Variants in KLHL32 observed in about 807,000 individuals in gnomAD.
The protein encoded by KLHL32 is kelch like family member 32.
A neutral mutation model predicts 64.8 loss-of-function variants in KLHL32; 35 were observed. The observed-to-expected ratio is 0.54, with a 90% confidence interval of 0.41 to 0.72. The LOEUF is 0.72. Ranked by LOEUF, KLHL32 falls within the 30% of genes least tolerant of loss-of-function variation. KLHL32 has a pLI of 0.00. For synonymous variants in KLHL32, 259 were observed against 281.0 expected, an observed-to-expected ratio of 0.92 and a Z score of 0.78; for missense variants, 589 against 768.5, an observed-to-expected ratio of 0.77 and a Z score of 2.76.
chr6:96,936,434 A>C (rs924272630), intron 1 of KLHL32, among the ~76,000 whole-genome samples: 3 of 152,110 alleles, frequency 2.0e-5, no homozygotes, highest in African/African-American at 7.2e-5. Flanking sequence ...AGCCTACCTC[A>C]TCCAGAGCCT....
At chr6:97,014,980 T>C (rs773780256) in intron 3 of KLHL32, among the ~76,000 whole-genome samples, 4 of 152,138 alleles carry the variant, frequency 2.6e-5, no homozygotes, top group Non-Finnish European at 5.9e-5. Flanking sequence ...GTTTCCCCCA[T>C]GGTGTTCTCA....
At chr6:96,906,399 A>G in the KLHL32 span, among the ~76,000 whole-genome samples, 13 of 152,220 alleles carry the variant, frequency 8.5e-5, no homozygotes, top group Non-Finnish European at 1.5e-5. Flanking sequence ...TAGCTATTAT[A>G]GAAGTCATTG....
intron 7 of KLHL32, among the ~76,000 whole-genome samples, chr6:97,121,491 A>G (rs1316400026): frequency 6.6e-6 from 1 of 152,164 alleles, no homozygotes; most frequent in Non-Finnish European, 1.5e-5. Context: ...TTTACGGTTC[A>G]GTTTCTAAAA....
At chr6:97,134,824 C>A (rs750277275) in intron 10 of KLHL32, among the ~76,000 whole-genome samples, 1 of 151,988 alleles carries the variant, frequency 6.6e-6, no homozygotes, top group Admixed American at 6.6e-5. Context: ...TGTTAACAGT[C>A]GTGAATGTTA....
At chr6:97,068,635 G>A (rs1275068984) in intron 5 of KLHL32, among the ~76,000 whole-genome samples, 1 of 152,200 alleles carries the variant, frequency 6.6e-6, no homozygotes, top group Non-Finnish European at 1.5e-5. Context: ...TTGGGCTGCT[G>A]TGGTCATTTA....
At chr6:96,990,418 G>C (rs1360871382) in intron 3 of KLHL32, among the ~76,000 whole-genome samples, 1 of 152,120 alleles carries the variant, frequency 6.6e-6, no homozygotes, top group Non-Finnish European at 1.5e-5. Context: ...TAAGTATAAT[G>C]GTAAGTTCTT....
chr6:96,949,304 A>G (rs919999159), intron 1 of KLHL32, among the ~76,000 whole-genome samples: 23 of 150,458 alleles, frequency 1.5e-4, no homozygotes, highest in East Asian at 2.0e-4. Flanking sequence ...TTGAGTCTCC[A>G]TAGCTCCAGC....
At chr6:96,987,974 A>G (rs1404342956) in intron 3 of KLHL32, among the ~76,000 whole-genome samples, 1 of 152,230 alleles carries the variant, frequency 6.6e-6, no homozygotes, top group African/African-American at 2.4e-5. Flanking sequence ...AAAGACTTAC[A>G]TGTTAGACCT....
intron 3 of KLHL32, among the ~76,000 whole-genome samples, chr6:96,998,413 A>T: frequency 6.6e-6 from 1 of 152,106 alleles, no homozygotes; most frequent in Non-Finnish European, 1.5e-5. Context: ...CATACACTAA[A>T]TCTCTTTTTC....
intron 4 of KLHL32, among the ~76,000 whole-genome samples, chr6:97,055,796 T>TGAAAAAAAAAAAAAAAAAAAAA (rs1787717117): frequency 1.2e-5 from 1 of 81,032 alleles, no homozygotes; most frequent in African/African-American, 3.9e-5. Context: ...AGAACCTGTC[T>TGAAAAAAAAAAAAAAAAAAAAA]AAAAAAAAAA....
chr6:97,051,882 C>G (rs1052421576), intron 4 of KLHL32, among the ~76,000 whole-genome samples: 1 of 152,110 alleles, frequency 6.6e-6, no homozygotes, highest in African/African-American at 2.4e-5. Flanking sequence ...CCAGCCTTAT[C>G]CTGTTTTCTG....
At chr6:96,991,071 A>C (rs1037539817) in intron 3 of KLHL32, among the ~76,000 whole-genome samples, 3 of 151,958 alleles carry the variant, frequency 2.0e-5, no homozygotes, top group Admixed American at 6.6e-5. Context: ...TCAAGGCCTC[A>C]TGGGGAGGAG....
chr6:97,131,189 G>A (rs1365256428), intron 9 of KLHL32, among the ~76,000 whole-genome samples: 1 of 152,154 alleles, frequency 6.6e-6, no homozygotes, highest in Non-Finnish European at 1.5e-5. Context: ...TCATATGGCT[G>A]AGAGGCATGT....
intron 1 of KLHL32, among the ~76,000 whole-genome samples, chr6:96,929,417 AG>A (rs1000144871): frequency 6.6e-6 from 1 of 152,226 alleles, no homozygotes; most frequent in African/African-American, 2.4e-5. Context: ...TCTCTGTGCC[AG>A]GCAGTGTCTT....
chr6:96,927,824 G>A (rs186616610), intron 1 of KLHL32, among the ~76,000 whole-genome samples: 47 of 152,332 alleles, frequency 3.1e-4, no homozygotes, highest in Admixed American at 5.2e-4. Context: ...TGGAGATACC[G>A]TCTCTGCCCT....
At chr6:96,934,750 T>A (rs145105647) in intron 1 of KLHL32, among the ~76,000 whole-genome samples, 1 of 152,356 alleles carries the variant, frequency 6.6e-6, no homozygotes, top group Non-Finnish European at 1.5e-5. Flanking sequence ...ACTAAATACT[T>A]TTTAATTTTA....
intron 4 of KLHL32, among the ~76,000 whole-genome samples, chr6:97,061,012 ATG>A (rs1168681717): frequency 2.6e-5 from 4 of 152,038 alleles, no homozygotes; most frequent in African/African-American, 9.7e-5. Context: ...AAGTAATGAG[ATG>A]TGATCATCTC....
At chr6:97,115,084 C>T (rs576930270) in intron 7 of KLHL32, among the ~76,000 whole-genome samples, 2 of 152,288 alleles carry the variant, frequency 1.3e-5, no homozygotes, top group South Asian at 4.1e-4. Context: ...GGTGCCATCT[C>T]GACTCACTGC....
chr6:97,104,821 C>T (rs1399938233), intron 6 of KLHL32, among the ~76,000 whole-genome samples: 1 of 152,192 alleles, frequency 6.6e-6, no homozygotes, highest in Non-Finnish European at 1.5e-5. Context: ...TCTGATGCTG[C>T]GTCCCTAGTT....
Sources: gnomAD v4.1 joint callset for allele counts (sites outside exome capture counted in the v4.1 genomes callset) on GRCh38, gnomAD v4.1.1 for gene constraint, MANE v1.5 for transcripts, NCBI Gene and HGNC (gene_info 2026-07-23, HGNC 2026-07-21) for gene names.